Variants in BCL2 observed in about 807,000 individuals in gnomAD.
BCL2 encodes the protein apoptosis regulator Bcl-2.
In BCL2, 1 loss-of-function variant was observed where a neutral mutation model predicts 14.2. The ratio of observed to expected loss-of-function variants is 0.07; its 90% CI spans 0.02 to 0.33. The LOEUF is 0.33. BCL2 is among the 10% of genes least tolerant of loss of function. The pLI is 0.99. For missense variants in BCL2, 247 were observed against 305.9 expected (o/e 0.81, Z 1.44); for synonymous variants, 151 against 137.2 (o/e 1.10, Z -0.70).
intron 2 of BCL2, among the ~76,000 whole-genome samples, chr18:63,217,038 C>T (rs1212824975): frequency 2.0e-5 from 3 of 152,142 alleles, no homozygotes; most frequent in Admixed American, 6.5e-5. Context: ...TTCTCTGACT[C>T]GAGATGAGAC....
At chr18:63,269,384 C>G (rs529470530) in intron 2 of BCL2, among the ~76,000 whole-genome samples, 1 of 152,072 alleles carries the variant, frequency 6.6e-6, no homozygotes, top group South Asian at 2.1e-4. Flanking sequence ...TGGGACCCAC[C>G]AAGAAATATG....
At position 63,123,698 on chromosome 18, in the gene BCL2, C is replaced by A. The variant is rs148888145; in HGVS notation, c.*4927G>T. The stretch of plus-strand genomic sequence containing the variant: ...CCCAGTAACTCAAAACAAAAGCAAA[C>A]CTTGGTTGAAAACTTAAGAAGGTAT... On this transcript the variant is annotated 3_prime_UTR_variant, in exon 3 of 3. Coordinates refer to ENST00000333681, the MANE Select transcript of BCL2 (RefSeq NM_000633.3). 1 of 214,044 alleles carries A rather than the reference C, an allele frequency of 4.7e-6. No homozygotes were observed. Among genetic ancestry groups the A allele is most frequent in the Non-Finnish European group, 9.4e-6 (1 of 106,086 alleles). The allele number at this position is 214,044 out of a possible 1,614,324, so 13.3% of individuals were successfully genotyped here.
At chr18:63,181,515 C>T (rs1387394056) in intron 2 of BCL2, among the ~76,000 whole-genome samples, 1 of 152,202 alleles carries the variant, frequency 6.6e-6, no homozygotes, top group East Asian at 1.9e-4. Context: ...TCAGTGAGCC[C>T]GGACCTCTGT....
At chr18:63,297,013 C>A (rs1466122916) in intron 2 of BCL2, among the ~76,000 whole-genome samples, 1 of 152,088 alleles carries the variant, frequency 6.6e-6, no homozygotes. Flanking sequence ...GAGATTGAGA[C>A]CATCTTGGTT....
intron 2 of BCL2, among the ~76,000 whole-genome samples, chr18:63,162,380 A>G (rs1012616242): frequency 7.9e-5 from 12 of 152,168 alleles, no homozygotes; most frequent in Admixed American, 5.9e-4. Flanking sequence ...TCATTGCTCA[A>G]TCAGAAACAC....
At chr18:63,248,268 C>T (rs1911207764) in intron 2 of BCL2, among the ~76,000 whole-genome samples, 1 of 152,184 alleles carries the variant, frequency 6.6e-6, no homozygotes, top group Admixed American at 6.5e-5. Context: ...AAGGTCCTTC[C>T]CAGTAAAATC....
chr18:63,161,220 T>C (rs1268111043), intron 2 of BCL2, among the ~76,000 whole-genome samples: 4 of 152,200 alleles, frequency 2.6e-5, no homozygotes, highest in Admixed American at 6.5e-5. Flanking sequence ...ACATGTATTG[T>C]TCTTTGTTCA....
At chr18:63,298,786 C>G (rs1912872455) in intron 2 of BCL2, among the ~76,000 whole-genome samples, 1 of 152,168 alleles carries the variant, frequency 6.6e-6, no homozygotes, top group Non-Finnish European at 1.5e-5. Flanking sequence ...CTACTAAGGT[C>G]ATCTCAGATG....
intron 2 of BCL2, among the ~76,000 whole-genome samples, chr18:63,313,378 A>G (rs1220728336): frequency 6.6e-6 from 1 of 152,240 alleles, no homozygotes; most frequent in African/African-American, 2.4e-5. Context: ...GAGGGATGAA[A>G]GAGAAAATTC....
At chr18:63,230,464 G>T (rs2144175755) in intron 2 of BCL2, among the ~76,000 whole-genome samples, 1 of 152,164 alleles carries the variant, frequency 6.6e-6, no homozygotes, top group Middle Eastern at 3.4e-3. Context: ...GGTTAAAGTA[G>T]CAGGAAGGCA....
intron 2 of BCL2, among the ~76,000 whole-genome samples, chr18:63,219,159 G>C (rs1234347670): frequency 6.6e-6 from 1 of 152,128 alleles, no homozygotes; most frequent in Non-Finnish European, 1.5e-5. Flanking sequence ...GGCTTTTTCT[G>C]ATTCTCCAAA....
chr18:63,187,186 G>A (rs147984276), intron 2 of BCL2, among the ~76,000 whole-genome samples: 50 of 152,344 alleles, frequency 3.3e-4, no homozygotes, highest in African/African-American at 1.2e-3. Flanking sequence ...GGCCAGATAT[G>A]AGAGATTTTT....
At chr18:63,160,279 C>T (rs1161750076) in intron 2 of BCL2, among the ~76,000 whole-genome samples, 2 of 152,162 alleles carry the variant, frequency 1.3e-5, no homozygotes, top group Non-Finnish European at 2.9e-5. Flanking sequence ...GACAAGTCTG[C>T]GGGATTGGGT....
At chr18:63,133,300 C>G (rs953116662) in intron 2 of BCL2, among the ~76,000 whole-genome samples, 1 of 149,222 alleles carries the variant, frequency 6.7e-6, no homozygotes, top group African/African-American at 2.5e-5. Context: ...TTTTCCTTTT[C>G]CGTTCAGAAC....
chr18:63,188,357 C>T (rs1915641683), intron 2 of BCL2, among the ~76,000 whole-genome samples: 1 of 152,184 alleles, frequency 6.6e-6, no homozygotes, highest in African/African-American at 2.4e-5. Context: ...GCTTCCTCAT[C>T]AACTTTTACA....
chr18:63,188,909 TC>T (rs1407810116), intron 2 of BCL2, among the ~76,000 whole-genome samples: 1 of 151,748 alleles, frequency 6.6e-6, no homozygotes, highest in African/African-American at 2.4e-5. Flanking sequence ...TTCATATGTA[TC>T]CATCACCTTT....
At chr18:63,285,977 G>C (rs1020306653) in intron 2 of BCL2, among the ~76,000 whole-genome samples, 1 of 152,214 alleles carries the variant, frequency 6.6e-6, no homozygotes, top group African/African-American at 2.4e-5. Context: ...TTCTGCAACA[G>C]CAGCCTGGGA....
At chr18:63,241,756 C>A (rs1038465486) in intron 2 of BCL2, among the ~76,000 whole-genome samples, 1 of 152,204 alleles carries the variant, frequency 6.6e-6, no homozygotes. Context: ...AGAGTAACTA[C>A]GAGAATCTGA....
intron 2 of BCL2, among the ~76,000 whole-genome samples, chr18:63,212,355 A>C (rs1053077410): frequency 1.3e-5 from 2 of 151,564 alleles, no homozygotes; most frequent in African/African-American, 4.8e-5. Flanking sequence ...ACAACAACAA[A>C]AAAAACACAA....
Sources: allele counts gnomAD v4.1 joint callset (sites outside exome capture counted in the v4.1 genomes callset), GRCh38; gene constraint gnomAD v4.1.1; transcripts MANE v1.5; gene names NCBI Gene and HGNC (gene_info 2026-07-23, HGNC 2026-07-21).